The following CACNA2D3 variants were observed in gnomAD, a reference collection of about 807,000 sequenced individuals.
CACNA2D3 encodes calcium voltage-gated channel auxiliary subunit alpha2delta 3, also known as voltage-dependent calcium channel subunit alpha-2/delta-3.
A neutral mutation model predicts 160.6 loss-of-function variants in CACNA2D3; 60 were observed. The observed-to-expected ratio is 0.37, with a 90% confidence interval of 0.30 to 0.46. CACNA2D3 has a LOEUF of 0.46. Among genes scored for constraint, CACNA2D3 ranks in the 20% least tolerant of loss-of-function variants. The probability of loss-of-function intolerance (pLI) is 1.00; values close to 1 mark genes in which losing one functional copy is unlikely to be tolerated. For synonymous variants in CACNA2D3, 558 were observed against 492.9 expected, an observed-to-expected ratio of 1.13 and a Z score of -1.75; for missense variants, 1,205 against 1,365.0, an observed-to-expected ratio of 0.88 and a Z score of 1.85.
intron 12 of CACNA2D3, among the ~76,000 whole-genome samples, chr3:54,761,062 TC>T (rs138456450): frequency 0.045 from 6,880 of 152,180 alleles, 227 homozygotes; most frequent in South Asian, 0.078. Flanking sequence ...ATGATTGTTT[TC>T]CCCCAACTCC....
intron 8 of CACNA2D3, among the ~76,000 whole-genome samples, chr3:54,571,715 G>A (rs1702501509): frequency 6.6e-6 from 1 of 151,800 alleles, no homozygotes; most frequent in Non-Finnish European, 1.5e-5. Flanking sequence ...TTTGGGAGGT[G>A]GAGTAGTTGC....
At chr3:54,706,416 C>T (rs778860454) in intron 11 of CACNA2D3, among the ~76,000 whole-genome samples, 3 of 152,228 alleles carry the variant, frequency 2.0e-5, no homozygotes, top group Non-Finnish European at 4.4e-5. Context: ...GGTTATGCCT[C>T]AGTCACCCCT....
chr3:54,947,813 G>A (rs1701652619), intron 27 of CACNA2D3, among the ~76,000 whole-genome samples: 2 of 152,156 alleles, frequency 1.3e-5, no homozygotes, highest in South Asian at 4.1e-4. Context: ...AATGTTTGGG[G>A]ATGTGGGTCA....
intron 2 of CACNA2D3, among the ~76,000 whole-genome samples, chr3:54,179,728 G>A: frequency 6.6e-6 from 1 of 152,190 alleles, no homozygotes; most frequent in East Asian, 1.9e-4. Context: ...GGTAGGATTA[G>A]TGCCCTTATA....
At chr3:54,434,804 T>C (rs1005173044) in intron 4 of CACNA2D3, among the ~76,000 whole-genome samples, 2 of 152,224 alleles carry the variant, frequency 1.3e-5, no homozygotes, top group African/African-American at 4.8e-5. Context: ...GTTTCTTTCA[T>C]AAAGAAAGTT....
chr3:55,059,896 A>G (rs1459887798), intron 35 of CACNA2D3, among the ~76,000 whole-genome samples: 2 of 151,830 alleles, frequency 1.3e-5, no homozygotes, highest in African/African-American at 4.8e-5. Context: ...CAACATTCAG[A>G]TGCTCCTTTT....
chr3:54,511,515 A>T (rs189800882), intron 5 of CACNA2D3, among the ~76,000 whole-genome samples: 1 of 151,948 alleles, frequency 6.6e-6, no homozygotes. Flanking sequence ...TTAAATTTTG[A>T]TTCTTGTTTG....
At chr3:54,337,457 A>G (rs1464317585) in intron 3 of CACNA2D3, among the ~76,000 whole-genome samples, 1 of 152,130 alleles carries the variant, frequency 6.6e-6, no homozygotes, top group Non-Finnish European at 1.5e-5. Context: ...TTTGTCTTAG[A>G]ATTCCTTTAA....
At chr3:54,528,281 G>A (rs181245896) in intron 5 of CACNA2D3, among the ~76,000 whole-genome samples, 1 of 121,708 alleles carries the variant, frequency 8.2e-6, no homozygotes, top group South Asian at 2.7e-4. Context: ...AAAAAAAAAT[G>A]GGCATGAGAA....
At chr3:54,129,094 T>G (rs997808571) in intron 2 of CACNA2D3, among the ~76,000 whole-genome samples, 1 of 125,412 alleles carries the variant, frequency 8.0e-6, no homozygotes, top group Non-Finnish European at 1.8e-5. Flanking sequence ...GGATGCTTGA[T>G]TTTTTGTGAT....
chr3:54,464,624 G>A (rs975639908), intron 4 of CACNA2D3, among the ~76,000 whole-genome samples: 5 of 152,206 alleles, frequency 3.3e-5, no homozygotes, highest in African/African-American at 9.6e-5. Context: ...TAAGCCCGTC[G>A]GAAAAGGGCA....
At chr3:54,369,866 T>C (rs2107548028) in intron 3 of CACNA2D3, among the ~76,000 whole-genome samples, 1 of 152,344 alleles carries the variant, frequency 6.6e-6, no homozygotes, top group Non-Finnish European at 1.5e-5. Flanking sequence ...TTATATTTAT[T>C]ATTACTAGAT....
intron 2 of CACNA2D3, among the ~76,000 whole-genome samples, chr3:54,298,944 T>TAAAAAAAA (rs59100168): frequency 2.0e-5 from 2 of 99,334 alleles, no homozygotes; most frequent in South Asian, 6.5e-4. Flanking sequence ...CTCTGTTTCT[T>TAAAAAAAA]AAAAAAAAAA....
At chr3:54,976,386 A>C (rs910260255) in intron 29 of CACNA2D3, among the ~76,000 whole-genome samples, 1 of 151,866 alleles carries the variant, frequency 6.6e-6, no homozygotes, top group South Asian at 2.1e-4. Flanking sequence ...ATGCTAGATG[A>C]CGAGTTAGTG....
chr3:55,012,505 C>G (rs1044298219), intron 34 of CACNA2D3, among the ~76,000 whole-genome samples: 1 of 152,106 alleles, frequency 6.6e-6, no homozygotes, highest in African/African-American at 2.4e-5. Context: ...GACCTGCCAC[C>G]ACAGACATCT....
chr3:54,876,677 G>C (rs1257001879), intron 18 of CACNA2D3, among the ~76,000 whole-genome samples: 1 of 152,212 alleles, frequency 6.6e-6, no homozygotes, highest in Non-Finnish European at 1.5e-5. Context: ...CGTTACCCTG[G>C]GCAAACTTCT....
At chr3:54,909,812 A>C (rs1700520402) in intron 27 of CACNA2D3, among the ~76,000 whole-genome samples, 1 of 152,086 alleles carries the variant, frequency 6.6e-6, no homozygotes, top group Non-Finnish European at 1.5e-5. Flanking sequence ...GCTAAGAACC[A>C]AGTAAAGGGA....
chr3:54,623,541 G>A (rs568183320), intron 9 of CACNA2D3, among the ~76,000 whole-genome samples: 1 of 152,172 alleles, frequency 6.6e-6, no homozygotes, highest in Non-Finnish European at 1.5e-5. Context: ...AGAAGAAGGG[G>A]ACTTGATGCT....
chr3:54,319,892 TATTTG>T (rs1703950574), intron 2 of CACNA2D3, among the ~76,000 whole-genome samples: 1 of 152,222 alleles, frequency 6.6e-6, no homozygotes, highest in African/African-American at 2.4e-5. Context: ...ATCTCTTTAA[TATTTG>T]ATTTAAGAGG....
Sources: gnomAD v4.1 joint callset for allele counts (sites outside exome capture counted in the v4.1 genomes callset) on GRCh38, gnomAD v4.1.1 for gene constraint, MANE v1.5 for transcripts, NCBI Gene and HGNC (gene_info 2026-07-23, HGNC 2026-07-21) for gene names.